The following MROH1 variants were observed in gnomAD, a reference collection of about 807,000 sequenced individuals.
The protein encoded by MROH1 is maestro heat-like repeat-containing protein family member 1.
Under a neutral mutation model 116.5 loss-of-function variants are expected in MROH1, and 117 were observed. That is an observed-to-expected ratio of 1.00 (90% confidence interval 0.86 to 1.17). The LOEUF is 1.17. Ranked by LOEUF, MROH1 falls within the 50% of genes most tolerant of loss-of-function variation. MROH1 has a pLI of 0.00. For missense variants in MROH1, 1,873 were observed against 1,338.5 expected (o/e 1.40, Z -6.23); for synonymous variants, 921 against 583.9 (o/e 1.58, Z -8.32).
intron 1 of MROH1, among the ~76,000 whole-genome samples, chr8:144,154,221 C>T (rs1018935271): frequency 7.9e-5 from 12 of 151,988 alleles, no homozygotes; most frequent in Non-Finnish European, 1.3e-4. Flanking sequence ...CGTGCCACCA[C>T]GCCGGCTAAT....
In MROH1 at chr8:144,260,999, C is replaced by T; in HGVS notation, c.4629C>T (p.Ala1543=). 1.3e-6 allele frequency: 1 copy of T among 776,838 alleles called. No homozygotes were observed. Among genetic ancestry groups the T allele is most frequent in the Non-Finnish European group, 2.4e-6 (1 of 417,532 alleles). 48.1% of individuals were successfully genotyped at this position (776,838 alleles called of 1,614,324 possible). A position where few individuals can be genotyped will look rare whatever the true frequency, so the allele number is the denominator to read the frequency against. The change falls in exon 41 of 44, where the codon GCC becomes GCT. Residue 1543 remains alanine, a synonymous_variant. Transcript: ENST00000326134. ...AGAAACACCTGCAGGAGGGCCGAGC[C>T]CTGCACTTCGGGGAGTTCCTCAACA... ...AFQKHLQEGR[A]LHFGEFLNTT...
At chr8:144,239,271 C>A in intron 16 of MROH1, 52 bp from the exon 17 acceptor site, 2 of 778,378 alleles carry the variant, frequency 2.6e-6, no homozygotes, top group Non-Finnish European at 4.8e-6. Context: ...CTGACACCCG[C>A]CCCAGGGCTA....
At chr8:144,258,283 GCACCATCCT>G (rs1844294883) in intron 35 of MROH1, among the ~76,000 whole-genome samples, 1 of 152,196 alleles carries the variant, frequency 6.6e-6, no homozygotes. Context: ...CCAGCTCTCG[GCACCATCCT>G]CCCGCTCACT....
At chr8:144,175,152 C>T (rs1253544325) in intron 4 of MROH1, 4 of 985,356 alleles carry the variant, frequency 4.1e-6, no homozygotes, top group East Asian at 2.3e-4. Flanking sequence ...GTATTAATGC[C>T]CTGCTGCACC....
chr8:144,156,979 A>T (rs1818310093), intron 1 of MROH1, among the ~76,000 whole-genome samples: 1 of 150,832 alleles, frequency 6.6e-6, no homozygotes, highest in South Asian at 2.1e-4. Flanking sequence ...ATTTTTAGAC[A>T]GAGTCTCACT....
intron 32 of MROH1, among the ~76,000 whole-genome samples, chr8:144,249,769 T>C (rs935086663): frequency 1.3e-5 from 2 of 152,144 alleles, no homozygotes; most frequent in Non-Finnish European, 2.9e-5. Flanking sequence ...TCTGTCTCCT[T>C]CTCCCTTCCC....
chr8:144,156,081 AT>A (rs1817987426), intron 1 of MROH1, among the ~76,000 whole-genome samples: 1 of 151,906 alleles, frequency 6.6e-6, no homozygotes, highest in African/African-American at 2.4e-5. Context: ...TGTACTAAAA[AT>A]ACAAAATTAG....
intron 4 of MROH1, chr8:144,175,449 C>G: frequency 1.0e-6 from 1 of 968,914 alleles, no homozygotes; most frequent in Non-Finnish European, 1.2e-6. Flanking sequence ...CTAGATAGAA[C>G]CAGACCAATT....
At chr8:144,152,610 A>C (rs1483182178) in intron 1 of MROH1, among the ~76,000 whole-genome samples, 1 of 150,056 alleles carries the variant, frequency 6.7e-6, no homozygotes, top group Admixed American at 6.6e-5. Context: ...GCAGTGGTGC[A>C]ATCTCGGCTC....
At chr8:144,157,718 C>T (rs1234481634) in intron 1 of MROH1, among the ~76,000 whole-genome samples, 1 of 144,942 alleles carries the variant, frequency 6.9e-6, no homozygotes. Flanking sequence ...TGCTTTGTCA[C>T]CCAGGCTGGA....
At chr8:144,207,699 T>A (rs1357621189) in intron 12 of MROH1, among the ~76,000 whole-genome samples, 2 of 152,172 alleles carry the variant, frequency 1.3e-5, no homozygotes, top group Non-Finnish European at 2.9e-5. Flanking sequence ...GGGTTGTTTG[T>A]CGTTTTATTA....
At chr8:144,192,246 G>A in intron 9 of MROH1, 63 bp from the exon 10 acceptor site, 1 of 1,405,898 alleles carries the variant, frequency 7.1e-7, no homozygotes, top group Non-Finnish European at 9.6e-7. Flanking sequence ...GGCTCTGATT[G>A]ACCTTAGTCA....
At position 144,259,362 on chromosome 8, in the gene MROH1, C is replaced by CT; in HGVS notation, c.4044+10dup. 1.4e-6 allele frequency: 1 copy of CT among 715,020 alleles called. No individual in the cohort carries two copies. The allele number at this position is 715,020 out of a possible 1,614,324, so 44.3% of individuals were successfully genotyped here. A position where few individuals can be genotyped will look rare whatever the true frequency, so the allele number is the denominator to read the frequency against. On this transcript the variant is annotated intron_variant, in intron 37 of 43. Coordinates refer to ENST00000326134, the MANE Select transcript of MROH1 (RefSeq NM_032450.3). ...ACCGCCTTCCTGGCCGAGGTAGGCC[C>CT]TTCCAGGGACGGATGCTGGGCACCA...
At chr8:144,238,669 G>T in intron 14 of MROH1, 87 bp from the exon 15 acceptor site, 1 of 726,028 alleles carries the variant, frequency 1.4e-6, no homozygotes, top group South Asian at 1.4e-5. Flanking sequence ...GCGAGGCTCA[G>T]GGTCTGCCCC....
chr8:144,178,280 C>T (rs867037523), intron 4 of MROH1, among the ~76,000 whole-genome samples: 12 of 152,024 alleles, frequency 7.9e-5, no homozygotes, highest in South Asian at 2.1e-4. Flanking sequence ...TACAGGTGTG[C>T]GCCACCACAC....
chr8:144,195,899 T>C (rs569399426), intron 10 of MROH1, among the ~76,000 whole-genome samples: 1 of 152,278 alleles, frequency 6.6e-6, no homozygotes, highest in East Asian at 1.9e-4. Context: ...TTTATGATAT[T>C]TTTTGGCCAT....
At chr8:144,170,797 C>T (rs143932776) in intron 4 of MROH1, among the ~76,000 whole-genome samples, 3 of 152,196 alleles carry the variant, frequency 2.0e-5, no homozygotes, top group Non-Finnish European at 4.4e-5. Context: ...CTGGGCCTCA[C>T]GGTTTTAGAC....
chr8:144,243,464 G>A (rs1841367099), intron 24 of MROH1, 30 bp from the exon 25 acceptor site: 1 of 777,500 alleles, frequency 1.3e-6, no homozygotes, highest in African/African-American at 1.7e-5. Context: ...GGCGGGCGTG[G>A]GCGTCTCCTG....
intron 3 of MROH1, among the ~76,000 whole-genome samples, chr8:144,164,354 G>A (rs1282846211): frequency 1.3e-5 from 2 of 149,366 alleles, no homozygotes; most frequent in African/African-American, 2.5e-5. Flanking sequence ...GCAGTGAGCC[G>A]AGATCGTGCC....
Sources: allele counts gnomAD v4.1 joint callset (sites outside exome capture counted in the v4.1 genomes callset), GRCh38; gene constraint gnomAD v4.1.1; transcripts MANE v1.5; gene names NCBI Gene and HGNC (gene_info 2026-07-23, HGNC 2026-07-21).